SLC67A2: variants seen among roughly 807,000 people sequenced by gnomAD.
The protein encoded by SLC67A2 is solute carrier family 67 member 2.
At chr2:102,722,680 G>A in the SLC67A2 span, among the ~76,000 whole-genome samples, 1 of 152,012 alleles carries the variant, frequency 6.6e-6, no homozygotes, top group Non-Finnish European at 1.5e-5. Context: ...ACCTGAAACT[G>A]TAAAAGAAGG....
chr2:102,727,176 T>G, the SLC67A2 span, among the ~76,000 whole-genome samples: 4 of 147,516 alleles, frequency 2.7e-5, 1 homozygote, highest in African/African-American at 1.0e-4. Flanking sequence ...CACAATGTAT[T>G]TTTTTTTTTG....
chr2:102,736,514 G>C, the SLC67A2 span: 1 of 1,584,842 alleles, frequency 6.3e-7, no homozygotes, highest in Non-Finnish European at 8.5e-7. Context: ...AGCTTGATAG[G>C]TAGTGAGGCA....
the SLC67A2 span, chr2:102,716,396 G>A: frequency 6.6e-6 from 1 of 152,066 alleles, no homozygotes; most frequent in Non-Finnish European, 1.5e-5. Flanking sequence ...ATTATTTATT[G>A]CCTTTTGAGT....
chr2:102,736,641 C>A, the SLC67A2 span: 3 of 1,613,964 alleles, frequency 1.9e-6, no homozygotes, highest in Admixed American at 1.7e-5. Flanking sequence ...CACGCTCGCA[C>A]TCACCAAGAA....
the SLC67A2 span, chr2:102,718,663 G>C: frequency 6.2e-7 from 1 of 1,613,930 alleles, no homozygotes; most frequent in South Asian, 1.1e-5. Flanking sequence ...GGTCCGTGAT[G>C]CACGTCCTGC....
chr2:102,714,990 C>G, the SLC67A2 span, among the ~76,000 whole-genome samples: 14 of 152,282 alleles, frequency 9.2e-5, no homozygotes, highest in South Asian at 2.9e-3. Context: ...CCAAGCAACC[C>G]TTTGAAATTC....
chr2:102,715,470 G>A, the SLC67A2 span, among the ~76,000 whole-genome samples: 1 of 152,082 alleles, frequency 6.6e-6, no homozygotes, highest in East Asian at 1.9e-4. Flanking sequence ...TCCCCAAGGG[G>A]CCATCCAGCC....
the SLC67A2 span, among the ~76,000 whole-genome samples, chr2:102,728,012 C>T: frequency 6.6e-6 from 1 of 152,066 alleles, no homozygotes; most frequent in Non-Finnish European, 1.5e-5. Context: ...CAGAAACCTG[C>T]CCGGCGTAGC....
the SLC67A2 span, chr2:102,723,844 G>A: frequency 3.0e-5 from 48 of 1,614,042 alleles, no homozygotes; most frequent in African/African-American, 3.5e-4. Context: ...ACAAGCGGCC[G>A]TTCCTTCTCT....
chr2:102,726,043 C>T, the SLC67A2 span, among the ~76,000 whole-genome samples: 194 of 152,282 alleles, frequency 1.3e-3, 1 homozygote, highest in Middle Eastern at 6.8e-3. Flanking sequence ...CCAAGCGCTA[C>T]GCCGCATTCA....
chr2:102,735,836 A>ACG, the SLC67A2 span, among the ~76,000 whole-genome samples: 988 of 135,438 alleles, frequency 7.3e-3, 10 homozygotes, highest in East Asian at 0.028. Flanking sequence ...AAACCAGGAC[A>ACG]CGCGCGCGCG....
chr2:102,718,840 G>T, the SLC67A2 span: 1 of 1,613,842 alleles, frequency 6.2e-7, no homozygotes, highest in Admixed American at 1.7e-5. Context: ...GGGCAAGGCC[G>T]GCCACGGCCC....
the SLC67A2 span, among the ~76,000 whole-genome samples, chr2:102,735,280 C>A: frequency 4.8e-4 from 73 of 152,340 alleles, no homozygotes; most frequent in African/African-American, 1.6e-3. Flanking sequence ...AAAAGCCGCC[C>A]TCCCTGAAGA....
chr2:102,729,641 C>T, the SLC67A2 span, among the ~76,000 whole-genome samples: 1 of 152,122 alleles, frequency 6.6e-6, no homozygotes, highest in Non-Finnish European at 1.5e-5. Context: ...AAGGCAATGA[C>T]AGATGACTCT....
the SLC67A2 span, among the ~76,000 whole-genome samples, chr2:102,730,160 A>G: frequency 6.6e-6 from 1 of 152,160 alleles, no homozygotes; most frequent in Non-Finnish European, 1.5e-5. Context: ...AATTCAAACA[A>G]CTGAGTGGTC....
the SLC67A2 span, chr2:102,736,830 C>A: frequency 1.3e-6 from 2 of 1,588,356 alleles, no homozygotes; most frequent in Admixed American, 1.7e-5. Flanking sequence ...GGCCGGGGGT[C>A]GGACGCAGCA....
At chr2:102,732,371 G>C in the SLC67A2 span, 2 of 1,613,528 alleles carry the variant, frequency 1.2e-6, no homozygotes, top group Admixed American at 3.3e-5. Context: ...TGACATGAAG[G>C]CTCAATAAAG....
At chr2:102,718,432 T>A in the SLC67A2 span, 24 of 1,613,970 alleles carry the variant, frequency 1.5e-5, no homozygotes, top group Non-Finnish European at 1.9e-5. Context: ...ACTCACTTTT[T>A]AATTTACTAT....
At chr2:102,726,997 C>G in the SLC67A2 span, 2 of 1,608,368 alleles carry the variant, frequency 1.2e-6, no homozygotes, top group African/African-American at 1.3e-5. Context: ...AGAAAAAGCC[C>G]TTGGACCCCA....
Sources: allele counts gnomAD v4.1 joint callset (sites outside exome capture counted in the v4.1 genomes callset), GRCh38; gene constraint gnomAD v4.1.1; transcripts MANE v1.5; gene names NCBI Gene and HGNC (gene_info 2026-07-23, HGNC 2026-07-21).